Variants in DLG2 observed in about 807,000 individuals in gnomAD.
The protein encoded by DLG2 is discs large MAGUK scaffold protein 2, also known as disks large homolog 2.
Under a neutral mutation model 132.5 loss-of-function variants are expected in DLG2, and 45 were observed. That is an observed-to-expected ratio of 0.34 (90% confidence interval 0.27 to 0.44). DLG2 has a LOEUF of 0.44. Ranked by LOEUF, DLG2 falls within the 20% of genes least tolerant of loss-of-function variation. DLG2 has a pLI of 1.00. For missense variants in DLG2, 1,045 were observed against 1,196.9 expected, an observed-to-expected ratio of 0.87 and a Z score of 1.87; for synonymous variants, 424 against 419.6, an observed-to-expected ratio of 1.01 and a Z score of -0.13.
At chr11:85,257,322 T>C (rs997941670) in intron 4 of DLG2, among the ~76,000 whole-genome samples, 23 of 152,232 alleles carry the variant, frequency 1.5e-4, no homozygotes, top group Non-Finnish European at 3.2e-4. Flanking sequence ...CTGTTCAGAA[T>C]GCTGTGGAAT....
At chr11:83,564,210 T>G (rs2096663356) in intron 19 of DLG2, among the ~76,000 whole-genome samples, 1 of 152,170 alleles carries the variant, frequency 6.6e-6, no homozygotes, top group Non-Finnish European at 1.5e-5. Flanking sequence ...AGGTATTAGT[T>G]AGGGATTCTT....
intron 6 of DLG2, among the ~76,000 whole-genome samples, chr11:85,073,561 C>T (rs1370688019): frequency 6.6e-6 from 1 of 151,774 alleles, no homozygotes; most frequent in South Asian, 2.1e-4. Context: ...TGCTTTCAGC[C>T]TTTCACTAGT....
chr11:85,560,115 C>T (rs913614391), intron 3 of DLG2, among the ~76,000 whole-genome samples: 2 of 151,790 alleles, frequency 1.3e-5, no homozygotes, highest in Admixed American at 6.6e-5. Context: ...GGAGAAACTA[C>T]ATCATACATT....
Position 83,484,147 on chromosome 11 carries a change from C to T in DLG2, c.2275G>A (p.Glu759Lys). Residue 759 changes from glutamate (E) to lysine (K), a missense_variant, in exon 22 of 28, where the codon GAA (glutamate) becomes AAA (lysine). By Grantham distance (56) the Glu-to-Lys change is moderately conservative. Around this residue, in one of 4 missense-constraint regions of DLG2, gnomAD observed 398 missense variants for 543.6 expected, o/e 0.73. Transcript: ENST00000376104. ...TACTTACGTTCAGGATCACTGGTTT[C>T]CTGCTCACTCTGCTCCTTGTTCTTG... is the stretch of plus-strand genomic sequence containing the variant. ...FYKNKEQSEQ[E>K]TSDPERGQED... 6.2e-7 allele frequency: 1 copy of T among 1,613,230 alleles called. No individual in the cohort carries two copies. The highest frequency in any genetic ancestry group is 8.5e-7 in the Non-Finnish European group (1 of 1,179,402).
Position 84,106,283 on chromosome 11 carries a change from C to T in DLG2, c.625-7236G>A, listed in dbSNP as rs2154187227. On this transcript the variant is annotated intron_variant, in intron 9 of 27. Coordinates refer to ENST00000376104, the MANE Select transcript of DLG2 (RefSeq NM_001142699.3). ...CACAGGGAATAAAAAGGTGTCTTTT[C>T]ATACACATTACTTGTTAAAATTATT... Among the ~76,000 whole-genome samples the T allele has an allele frequency of 1.3e-5, 2 of 152,202 alleles. 1 individual carries two copies. The highest frequency in any genetic ancestry group is 6.8e-3 in the Middle Eastern group (2 of 294).
chr11:83,735,431 C>G (rs1195668461), intron 18 of DLG2, among the ~76,000 whole-genome samples: 1 of 152,134 alleles, frequency 6.6e-6, no homozygotes, highest in African/African-American at 2.4e-5. Flanking sequence ...CCACTGAATC[C>G]TCAGTGTTTT....
intron 10 of DLG2, among the ~76,000 whole-genome samples, chr11:84,079,645 T>C (rs1053879509): frequency 6.6e-6 from 1 of 152,228 alleles, no homozygotes. Context: ...CAGACTTCCA[T>C]GGCAGAGTGA....
chr11:84,557,117 T>C (rs983685247), intron 6 of DLG2, among the ~76,000 whole-genome samples: 1 of 152,220 alleles, frequency 6.6e-6, no homozygotes, highest in Non-Finnish European at 1.5e-5. Flanking sequence ...TCAACTTGGC[T>C]AAATTATAGT....
At chr11:84,698,909 T>C (rs2058901834) in intron 6 of DLG2, among the ~76,000 whole-genome samples, 1 of 151,622 alleles carries the variant, frequency 6.6e-6, no homozygotes, top group South Asian at 2.1e-4. Flanking sequence ...TCTCTTCATA[T>C]GTATAGTATG....
chr11:83,628,208 CTTTAG>C (rs2062945206), intron 19 of DLG2, among the ~76,000 whole-genome samples: 1 of 152,160 alleles, frequency 6.6e-6, no homozygotes, highest in African/African-American at 2.4e-5. Context: ...TGCAGAAGCT[CTTTAG>C]TTTAATTAGA....
At chr11:84,905,109 C>A (rs575221564) in intron 6 of DLG2, among the ~76,000 whole-genome samples, 18 of 152,212 alleles carry the variant, frequency 1.2e-4, no homozygotes, top group Admixed American at 1.1e-3. Flanking sequence ...TGGCCTTGAA[C>A]TCCTGGCTTC....
At chr11:83,633,989 T>TG (rs1325463719) in intron 18 of DLG2, among the ~76,000 whole-genome samples, 3 of 151,694 alleles carry the variant, frequency 2.0e-5, no homozygotes, top group Non-Finnish European at 4.4e-5. Context: ...AAAAACTCCA[T>TG]GGGAATCCCA....
At chr11:83,468,268 C>T (rs577072676) in intron 25 of DLG2, among the ~76,000 whole-genome samples, 33 of 152,176 alleles carry the variant, frequency 2.2e-4, no homozygotes, top group Admixed American at 1.1e-3. Context: ...TGGTTCAAGC[C>T]GTTATTACTT....
In DLG2 at chr11:84,268,691, G is replaced by T. The variant is rs561094087; in HGVS notation, c.520-17400C>A. Among the ~76,000 whole-genome samples, 3 of 152,058 alleles carry T rather than the reference G, an allele frequency of 2.0e-5. No individual in the cohort carries two copies. The South Asian group carries it at 6.2e-4, about 32-fold the overall frequency. On this transcript the variant is annotated intron_variant, in intron 7 of 27. Transcript: ENST00000376104. ...TTAGCCACGATGGTCTTGATCTCCT[G>T]ACCTCGTGATCCGCCCGCCTCAGCC...
At chr11:84,504,281 C>A (rs2154510334) in intron 7 of DLG2, among the ~76,000 whole-genome samples, 1 of 152,246 alleles carries the variant, frequency 6.6e-6, no homozygotes, top group African/African-American at 2.4e-5. Flanking sequence ...AATGTTTCAA[C>A]AACTTACTTA....
intron 19 of DLG2, chr11:83,632,433 G>C (rs2063720236): frequency 6.6e-6 from 1 of 152,092 alleles, no homozygotes. Flanking sequence ...CCGTTAATTA[G>C]GCATCACTTT....
At chr11:84,880,525 TA>T (rs1051545966) in intron 6 of DLG2, among the ~76,000 whole-genome samples, 1 of 152,046 alleles carries the variant, frequency 6.6e-6, no homozygotes, top group African/African-American at 2.4e-5. Context: ...TGAATAAATA[TA>T]AAATAATTAA....
intron 17 of DLG2, among the ~76,000 whole-genome samples, chr11:83,793,257 A>G (rs1044681894): frequency 1.3e-5 from 2 of 152,110 alleles, no homozygotes; most frequent in Admixed American, 6.5e-5. Flanking sequence ...ACATTATTTC[A>G]TATCATAGAT....
intron 3 of DLG2, among the ~76,000 whole-genome samples, chr11:85,514,052 A>G (rs1412007081): frequency 1.3e-5 from 2 of 151,950 alleles, no homozygotes; most frequent in South Asian, 2.1e-4. Context: ...CTTGTAATAC[A>G]TATTTCAGAC....
Sources: allele counts gnomAD v4.1 joint callset (sites outside exome capture counted in the v4.1 genomes callset), GRCh38; gene constraint gnomAD v4.1.1; regional missense constraint gnomAD v4.1.1; transcripts MANE v1.5; gene names NCBI Gene and HGNC (gene_info 2026-07-23, HGNC 2026-07-21).